DYM: variants seen among roughly 807,000 people sequenced by gnomAD.
DYM encodes dymeclin.
DYM carries 78 observed loss-of-function variants against 93.1 expected under a neutral mutation model. That is an observed-to-expected ratio of 0.84 (90% CI 0.70 to 1.01). The LOEUF is 1.01. Among genes scored for constraint, DYM ranks in the 50% least tolerant of loss-of-function variants. The pLI, the probability that DYM is intolerant of heterozygous loss-of-function variation, is 0.00. For synonymous variants in DYM, 321 were observed against 319.7 expected (o/e 1.00, Z -0.04); for missense variants, 789 against 845.0 (o/e 0.93, Z 0.82).
At chr18:49,315,530 C>T (rs755079375) in intron 8 of DYM, among the ~76,000 whole-genome samples, 71 of 152,232 alleles carry the variant, frequency 4.7e-4, no homozygotes, top group African/African-American at 1.4e-3. Flanking sequence ...CCTATCTTTG[C>T]CCATCATAAA....
intron 6 of DYM, among the ~76,000 whole-genome samples, chr18:49,361,006 C>CA (rs1188975982): frequency 2.0e-5 from 3 of 152,222 alleles, no homozygotes; most frequent in Non-Finnish European, 2.9e-5. Flanking sequence ...ATATGCTCTG[C>CA]AAGTTCATGA....
At chr18:49,120,116 GA>G (rs1225455011) in intron 15 of DYM, among the ~76,000 whole-genome samples, 5 of 140,470 alleles carry the variant, frequency 3.6e-5, no homozygotes, top group Non-Finnish European at 7.8e-5. Context: ...AAAAGAAAAA[GA>G]AAAAAAGAAC....
chr18:49,067,229 G>A (rs2076491883), intron 17 of DYM, among the ~76,000 whole-genome samples: 1 of 128,628 alleles, frequency 7.8e-6, no homozygotes, highest in Non-Finnish European at 1.6e-5. Flanking sequence ...AGGTTCAGTA[G>A]AGGAAGGAGT....
At chr18:49,245,944 C>T (rs1218328187) in intron 13 of DYM, among the ~76,000 whole-genome samples, 5 of 152,324 alleles carry the variant, frequency 3.3e-5, no homozygotes, top group Non-Finnish European at 7.3e-5. Flanking sequence ...AAAGAACCTA[C>T]ATTGAAATAT....
intron 14 of DYM, among the ~76,000 whole-genome samples, chr18:49,195,916 C>CTTTTTTTTTTTTTTTTTTTTTTTT (rs540189318): frequency 3.6e-5 from 3 of 84,036 alleles, no homozygotes; most frequent in African/African-American, 1.7e-4. Context: ...ATGCTACCAT[C>CTTTTTTTTTTTTTTTTTTTTTTTT]TTTTTTTTTT....
At chr18:49,338,920 T>C (rs2063868416) in intron 6 of DYM, among the ~76,000 whole-genome samples, 2 of 152,170 alleles carry the variant, frequency 1.3e-5, no homozygotes, top group Non-Finnish European at 2.9e-5. Flanking sequence ...AATTAAAGAT[T>C]ACTGCTCAGC....
At chr18:49,190,342 T>C (rs751545572) in intron 14 of DYM, among the ~76,000 whole-genome samples, 10 of 152,258 alleles carry the variant, frequency 6.6e-5, no homozygotes, top group Non-Finnish European at 1.3e-4. Flanking sequence ...TCATTGTATA[T>C]GGTTACATTG....
intron 16 of DYM, among the ~76,000 whole-genome samples, chr18:49,110,162 G>T (rs1407284594): frequency 6.6e-6 from 1 of 152,110 alleles, no homozygotes; most frequent in East Asian, 1.9e-4. Context: ...ATTGTGATAG[G>T]GACTATGTGG....
chr18:49,413,279 T>C (rs990653060), intron 2 of DYM: 4 of 152,186 alleles, frequency 2.6e-5, no homozygotes, highest in Non-Finnish European at 5.9e-5. Flanking sequence ...ACAACCTTCC[T>C]AGGCCTCAGT....
At chr18:49,239,630 T>G (rs909556158) in intron 13 of DYM, among the ~76,000 whole-genome samples, 5 of 152,182 alleles carry the variant, frequency 3.3e-5, no homozygotes, top group Admixed American at 6.5e-5. Flanking sequence ...AGGCCAAGCT[T>G]CATAGCAAGG....
intron 2 of DYM, chr18:49,411,898 C>T (rs2072288807): frequency 6.6e-6 from 1 of 152,034 alleles, no homozygotes; most frequent in Non-Finnish European, 1.5e-5. Flanking sequence ...GACATTTTCC[C>T]CCTTACCTTA....
intron 6 of DYM, among the ~76,000 whole-genome samples, chr18:49,350,366 T>C (rs1005319030): frequency 1.3e-5 from 2 of 152,194 alleles, no homozygotes; most frequent in African/African-American, 4.8e-5. Context: ...TTAAAAGTGA[T>C]AAAAGCAACT....
At chr18:49,421,775 G>C (rs1219903022) in intron 2 of DYM, among the ~76,000 whole-genome samples, 1 of 152,154 alleles carries the variant, frequency 6.6e-6, no homozygotes, top group Non-Finnish European at 1.5e-5. Flanking sequence ...TAGATGAATG[G>C]CTAACTAGAA....
At chr18:49,091,596 C>T (rs1054143051) in intron 17 of DYM, among the ~76,000 whole-genome samples, 5 of 152,138 alleles carry the variant, frequency 3.3e-5, no homozygotes, top group South Asian at 2.1e-4. Context: ...GATGTTAAAG[C>T]GCTGACTGCC....
At chr18:49,200,957 C>T (rs1600581354) in intron 14 of DYM, among the ~76,000 whole-genome samples, 1 of 152,076 alleles carries the variant, frequency 6.6e-6, no homozygotes, top group Non-Finnish European at 1.5e-5. Flanking sequence ...TCTTGAATCG[C>T]CATTCTTTGT....
At chr18:49,127,763 C>A (rs955935586) in intron 15 of DYM, among the ~76,000 whole-genome samples, 2 of 152,188 alleles carry the variant, frequency 1.3e-5, no homozygotes, top group Admixed American at 1.3e-4. Context: ...CTAGCCAGAA[C>A]TGGATTTGTC....
intron 8 of DYM, among the ~76,000 whole-genome samples, chr18:49,317,604 C>CCCT (rs1568236448): frequency 0.032 from 413 of 12,812 alleles, 9 homozygotes; most frequent in East Asian, 0.068. Context: ...TCTCCCCCCT[C>CCCT]CCCCCTCCCT....
intron 11 of DYM, among the ~76,000 whole-genome samples, chr18:49,263,915 G>C (rs750790533): frequency 6.6e-6 from 1 of 152,120 alleles, no homozygotes; most frequent in Non-Finnish European, 1.5e-5. Flanking sequence ...TGCAGTCATA[G>C]AAGACTTCTA....
At chr18:49,364,273 C>G (rs1177691410) in intron 5 of DYM, among the ~76,000 whole-genome samples, 1 of 152,076 alleles carries the variant, frequency 6.6e-6, no homozygotes, top group African/African-American at 2.4e-5. Flanking sequence ...GGTGAAACCC[C>G]ACCTCTAATA....
Sources: gnomAD v4.1 joint callset for allele counts (sites outside exome capture counted in the v4.1 genomes callset) on GRCh38, gnomAD v4.1.1 for gene constraint, MANE v1.5 for transcripts, NCBI Gene and HGNC (gene_info 2026-07-23, HGNC 2026-07-21) for gene names.